The following TEX9 variants were observed in gnomAD, a reference collection of about 807,000 sequenced individuals.
TEX9 encodes the protein testis-expressed protein 9.
In TEX9, 74 loss-of-function variants were observed where a neutral mutation model predicts 59.6. That is an observed-to-expected ratio of 1.24 (90% CI 1.03 to 1.51). TEX9 has a LOEUF of 1.51. TEX9 is among the 40% of genes most tolerant of loss of function. The pLI is 0.00. For missense variants in TEX9, 522 were observed against 447.8 expected (o/e 1.17, Z -1.49); for synonymous variants, 186 against 152.2 (o/e 1.22, Z -1.64).
intron 1 of TEX9, among the ~76,000 whole-genome samples, chr15:56,265,799 A>AATATTCTCT (rs1251983988): frequency 1.3e-5 from 2 of 152,198 alleles, no homozygotes; most frequent in Admixed American, 1.3e-4. Flanking sequence ...TTTGGAAAAG[A>AATATTCTCT]ATATTCTCTT....
At chr15:56,379,099 A>G (rs1450579069) in intron 3 of TEX9, among the ~76,000 whole-genome samples, 1 of 151,022 alleles carries the variant, frequency 6.6e-6, no homozygotes, top group African/African-American at 2.4e-5. Context: ...GAAAGAAAAA[A>G]AAAGAAAAGA....
At chr15:56,278,911 T>C (rs1250719541) in intron 1 of TEX9, among the ~76,000 whole-genome samples, 1 of 152,128 alleles carries the variant, frequency 6.6e-6, no homozygotes, top group Non-Finnish European at 1.5e-5. Context: ...AAATTGATTC[T>C]AGCAAAATCT....
intron 7 of TEX9, among the ~76,000 whole-genome samples, chr15:56,392,163 A>C (rs2048246329): frequency 6.6e-6 from 1 of 152,172 alleles, no homozygotes; most frequent in African/African-American, 2.4e-5. Flanking sequence ...TTTGTATTAG[A>C]TGATCATTAA....
At chr15:56,328,736 C>T (rs1279923275) in intron 1 of TEX9, among the ~76,000 whole-genome samples, 2 of 152,030 alleles carry the variant, frequency 1.3e-5, no homozygotes, top group Non-Finnish European at 2.9e-5. Context: ...TACTGGGTCT[C>T]ATGGTTTGAG....
At chr15:56,316,757 C>T (rs1354769405) in intron 1 of TEX9, among the ~76,000 whole-genome samples, 6 of 152,316 alleles carry the variant, frequency 3.9e-5, no homozygotes, top group Non-Finnish European at 8.8e-5. Context: ...GCCTCGCTGT[C>T]GCCTTGCAGT....
At chr15:56,281,958 A>G (rs2044829681) in intron 1 of TEX9, among the ~76,000 whole-genome samples, 1 of 152,212 alleles carries the variant, frequency 6.6e-6, no homozygotes, top group Admixed American at 6.5e-5. Flanking sequence ...TTCATTTATA[A>G]CTTTCTCATT....
At chr15:56,272,451 C>T (rs151159101) in intron 1 of TEX9, among the ~76,000 whole-genome samples, 1 of 152,254 alleles carries the variant, frequency 6.6e-6, no homozygotes, top group East Asian at 1.9e-4. Context: ...TCTTTTGCTT[C>T]TTATGGTTGA....
chr15:56,362,608 G>C (rs1450489849), upstream of TEX9, among the ~76,000 whole-genome samples: 1 of 151,916 alleles, frequency 6.6e-6, no homozygotes, highest in African/African-American at 2.4e-5. Context: ...CTATTAATTG[G>C]CTTTTAGTGT....
At chr15:56,444,642 A>AT (rs1567151555) in intron 12 of TEX9, 1 of 1,610,778 alleles carries the variant, frequency 6.2e-7, no homozygotes, top group East Asian at 2.2e-5. Flanking sequence ...GTGTTCTTCC[A>AT]TCATGGTTTT....
chr15:56,414,118 A>G (rs867628818), intron 10 of TEX9, among the ~76,000 whole-genome samples: 2 of 151,884 alleles, frequency 1.3e-5, no homozygotes, highest in Non-Finnish European at 2.9e-5. Context: ...CCACCTAGGT[A>G]TCAGGATTTC....
At chr15:56,280,367 T>C (rs1452705053) in intron 1 of TEX9, among the ~76,000 whole-genome samples, 1 of 152,192 alleles carries the variant, frequency 6.6e-6, no homozygotes, top group Non-Finnish European at 1.5e-5. Flanking sequence ...GTGTTAAACC[T>C]TCACATTGTG....
chr15:56,352,407 G>C (rs1238379622), intron 1 of TEX9, among the ~76,000 whole-genome samples: 1 of 149,272 alleles, frequency 6.7e-6, no homozygotes, highest in African/African-American at 2.4e-5. Flanking sequence ...ACCACGCCCA[G>C]CTAATTTTTT....
intron 10 of TEX9, among the ~76,000 whole-genome samples, chr15:56,415,169 C>T: frequency 6.6e-6 from 1 of 151,788 alleles, no homozygotes; most frequent in East Asian, 1.9e-4. Context: ...CAAAAATTTT[C>T]TCCCATTCTG....
intron 9 of TEX9, among the ~76,000 whole-genome samples, chr15:56,402,072 C>G (rs1274157909): frequency 1.3e-5 from 2 of 152,058 alleles, no homozygotes; most frequent in African/African-American, 4.8e-5. Context: ...ATTAAAAGAA[C>G]TAGAGAAGCA....
chr15:56,300,660 T>G (rs2045323568), intron 1 of TEX9, among the ~76,000 whole-genome samples: 1 of 146,338 alleles, frequency 6.8e-6, no homozygotes, highest in African/African-American at 2.6e-5. Context: ...TTGTGTCATT[T>G]CTCCTCCAGT....
intron 9 of TEX9, among the ~76,000 whole-genome samples, chr15:56,409,483 T>C (rs1476230260): frequency 6.6e-6 from 1 of 152,062 alleles, no homozygotes; most frequent in East Asian, 1.9e-4. Flanking sequence ...TGGAATTCTT[T>C]CCCCAAGATC....
intron 1 of TEX9, among the ~76,000 whole-genome samples, chr15:56,285,048 T>C (rs1037884456): frequency 6.6e-6 from 1 of 152,210 alleles, no homozygotes; most frequent in African/African-American, 2.4e-5. Context: ...ATTATATCTC[T>C]TTTAAATCAT....
chr15:56,335,287 A>G (rs115367113), intron 1 of TEX9, among the ~76,000 whole-genome samples: 3,890 of 152,254 alleles, frequency 0.026, 165 homozygotes, highest in African/African-American at 0.088. Flanking sequence ...AAGAAAATGT[A>G]CATATACACA....
intron 1 of TEX9, among the ~76,000 whole-genome samples, chr15:56,244,779 C>T (rs1207374518): frequency 2.0e-5 from 3 of 152,024 alleles, no homozygotes; most frequent in Non-Finnish European, 4.4e-5. Context: ...CCTTTGGAGC[C>T]CGTTGAACAC....
Sources: gnomAD v4.1 joint callset for allele counts (sites outside exome capture counted in the v4.1 genomes callset) on GRCh38, gnomAD v4.1.1 for gene constraint, MANE v1.5 for transcripts, NCBI Gene and HGNC (gene_info 2026-07-23, HGNC 2026-07-21) for gene names.